FUT8: variants seen among roughly 807,000 people sequenced by gnomAD.
FUT8 encodes the protein alpha-(1,6)-fucosyltransferase.
Under a neutral mutation model 71.3 loss-of-function variants are expected in FUT8, and 29 were observed. The ratio of observed to expected loss-of-function variants is 0.41; its 90% CI spans 0.30 to 0.55. The LOEUF is 0.55. FUT8 is among the 20% of genes least tolerant of loss of function. The probability of loss-of-function intolerance (pLI) is 0.34; values close to 1 mark genes in which losing one functional copy is unlikely to be tolerated. For missense variants in FUT8, 544 were observed against 702.1 expected, an observed-to-expected ratio of 0.77 and a Z score of 2.55; for synonymous variants, 254 against 239.3, an observed-to-expected ratio of 1.06 and a Z score of -0.57.
At chr14:65,739,156 A>G (rs1896370531) in intron 10 of FUT8, among the ~76,000 whole-genome samples, 1 of 152,078 alleles carries the variant, frequency 6.6e-6, no homozygotes. Context: ...ATGAGTTGAG[A>G]CAAGGTGAGG....
intron 2 of FUT8, among the ~76,000 whole-genome samples, chr14:65,559,268 T>C (rs1034364752): frequency 1.3e-5 from 2 of 152,188 alleles, no homozygotes; most frequent in African/African-American, 2.4e-5. Flanking sequence ...ATATCTGATA[T>C]ATAGTTTACC....
chr14:65,402,192 T>G, the FUT8 span, among the ~76,000 whole-genome samples: 1 of 133,022 alleles, frequency 7.5e-6, no homozygotes. Context: ...AAAGATGGAG[T>G]GTGATTTTTT....
chr14:65,719,456 G>A (rs1398614238), intron 7 of FUT8, among the ~76,000 whole-genome samples: 1 of 151,960 alleles, frequency 6.6e-6, no homozygotes, highest in African/African-American at 2.4e-5. Flanking sequence ...TTGGTCCCTG[G>A]TGCCTTATTT....
At chr14:65,487,950 C>T (rs2066433317) in intron 2 of FUT8, among the ~76,000 whole-genome samples, 2 of 152,136 alleles carry the variant, frequency 1.3e-5, no homozygotes, top group Admixed American at 1.3e-4. Flanking sequence ...GTCTAAGCCT[C>T]CTGAGTAGCT....
In FUT8 at chr14:65,574,294, T is replaced by C. The variant is rs1412826888; in HGVS notation, c.203+12528T>C. ...TTAAACACAGTCATGGAAGATACAT[T>C]CCATCATCTTTGCAATATTCTATTG... is the stretch of plus-strand genomic sequence containing the variant. On this transcript the variant is annotated intron_variant, in intron 3 of 10. Transcript: ENST00000673929. The surrounding 1 kb of genome is among the most constrained non-coding windows in gnomAD (Gnocchi z 5.2). Among the ~76,000 whole-genome samples the C allele has an allele frequency of 6.6e-6, 1 of 152,082 alleles. No homozygotes were observed. Among genetic ancestry groups the C allele is most frequent in the Non-Finnish European group, 1.5e-5 (1 of 68,022 alleles).
At chr14:65,495,890 A>G (rs545449065) in intron 2 of FUT8, among the ~76,000 whole-genome samples, 1 of 152,282 alleles carries the variant, frequency 6.6e-6, no homozygotes, top group African/African-American at 2.4e-5. Context: ...CTAGAAATAC[A>G]CTTGGAAGGA....
Position 65,653,215 on chromosome 14 carries a change from T to A in FUT8, c.598-16028T>A, listed in dbSNP as rs74606653. On this transcript the variant is annotated intron_variant, in intron 6 of 10. Coordinates refer to ENST00000673929, the MANE Select transcript of FUT8 (RefSeq NM_001371533.1). ...AGAAAAGCATGTGGAACTGGAAATATTGCCAGGGCTATTTATTTATTTATT... is the reference window on the plus strand; with the variant it reads ...AGAAAAGCATGTGGAACTGGAAATAATGCCAGGGCTATTTATTTATTTATT... Among the ~76,000 whole-genome samples the A allele has an allele frequency of 3.4e-3, 519 of 152,304 alleles. 4 individuals are homozygous for A. Among genetic ancestry groups the A allele is most frequent in the African/African-American group, 0.012 (506 of 41,562 alleles).
intron 1 of FUT8, among the ~76,000 whole-genome samples, chr14:65,426,067 G>A (rs1566739486): frequency 6.6e-6 from 1 of 151,642 alleles, no homozygotes; most frequent in South Asian, 2.1e-4. Flanking sequence ...TAGATCTCTC[G>A]AACTTACTCA....
chr14:65,527,144 A>G (rs1883537590), intron 2 of FUT8, among the ~76,000 whole-genome samples: 2 of 152,194 alleles, frequency 1.3e-5, no homozygotes. Flanking sequence ...CCTGGATAAT[A>G]TCCTGCAGAG....
the FUT8 span, among the ~76,000 whole-genome samples, chr14:65,390,965 A>G: frequency 1.3e-5 from 2 of 152,074 alleles, no homozygotes; most frequent in South Asian, 4.1e-4. Context: ...TGACCTCTTG[A>G]TCGGCCTGCC....
At chr14:65,592,284 C>A (rs1468706930) in intron 3 of FUT8, among the ~76,000 whole-genome samples, 1 of 151,986 alleles carries the variant, frequency 6.6e-6, no homozygotes, top group Non-Finnish European at 1.5e-5. Flanking sequence ...AAATTCTAGA[C>A]AAAAGAATGA....
At chr14:65,655,470 C>T (rs1228065195) in intron 6 of FUT8, among the ~76,000 whole-genome samples, 18 of 138,232 alleles carry the variant, frequency 1.3e-4, no homozygotes, top group African/African-American at 3.9e-4. Context: ...AGCAAGACTC[C>T]GTCTCAAAAA....
chr14:65,621,036 G>A (rs1889580536), intron 5 of FUT8, among the ~76,000 whole-genome samples: 1 of 152,136 alleles, frequency 6.6e-6, no homozygotes, highest in African/African-American at 2.4e-5. Flanking sequence ...GTGGAAAAGG[G>A]TGTTTTTCAT....
chr14:65,403,919 T>C, the FUT8 span, among the ~76,000 whole-genome samples: 12 of 152,178 alleles, frequency 7.9e-5, no homozygotes, highest in Non-Finnish European at 1.8e-4. Context: ...TTTTTTGAGA[T>C]GGAGTTTTGC....
At chr14:65,410,613 G>A (rs1209061680), upstream of FUT8, 2 of 148,454 alleles carry the variant, frequency 1.3e-5, no homozygotes, top group Non-Finnish European at 3.0e-5. Context: ...AGGAGGTAGG[G>A]AAAATAAGTG....
chr14:65,469,287 T>C (rs968922949), intron 2 of FUT8, among the ~76,000 whole-genome samples: 2 of 152,222 alleles, frequency 1.3e-5, no homozygotes, highest in Non-Finnish European at 1.5e-5. Flanking sequence ...TCAGATTGTA[T>C]TTTTTGCCTT....
At chr14:65,568,643 A>C (rs377596395) in intron 3 of FUT8, among the ~76,000 whole-genome samples, 1 of 150,994 alleles carries the variant, frequency 6.6e-6, no homozygotes, top group Non-Finnish European at 1.5e-5. Context: ...ATTATATTCT[A>C]TATTTCAGTT....
chr14:65,723,560 T>C (rs994606372), intron 8 of FUT8, among the ~76,000 whole-genome samples: 1 of 152,220 alleles, frequency 6.6e-6, no homozygotes, highest in Non-Finnish European at 1.5e-5. Flanking sequence ...CGGTTTCATT[T>C]ACCTAAAATA....
At chr14:65,630,032 G>T (rs1344336470) in intron 6 of FUT8, among the ~76,000 whole-genome samples, 1 of 152,162 alleles carries the variant, frequency 6.6e-6, no homozygotes, top group African/African-American at 2.4e-5. Context: ...GGAAAAGAAT[G>T]TACCAGCTGG....
Sources: allele counts gnomAD v4.1 joint callset (sites outside exome capture counted in the v4.1 genomes callset), GRCh38; gene constraint gnomAD v4.1.1; non-coding constraint Gnocchi (gnomAD v3.1); transcripts MANE v1.5; gene names NCBI Gene and HGNC (gene_info 2026-07-23, HGNC 2026-07-21).